The following SMIM14 variants were observed in gnomAD, a reference collection of about 807,000 sequenced individuals.
The protein encoded by SMIM14 is chromosome 4 open reading frame 34.
SMIM14 carries 5 observed loss-of-function variants against 12.6 expected under a neutral mutation model. The observed-to-expected ratio is 0.40, with a 90% CI of 0.21 to 0.83. The LOEUF is 0.83. Among genes scored for constraint, SMIM14 ranks in the 40% least tolerant of loss-of-function variants. The pLI is 0.37. For missense variants in SMIM14, 86 were observed against 119.1 expected (o/e 0.72, Z 1.29); for synonymous variants, 30 against 40.1 (o/e 0.75, Z 0.95).
intron 2 of SMIM14, among the ~76,000 whole-genome samples, chr4:39,595,394 G>T (rs1379299906): frequency 2.4e-5 from 3 of 123,726 alleles, no homozygotes; most frequent in African/African-American, 9.3e-5. Flanking sequence ...TCACACTCTG[G>T]GGACTGTTGT....
Position 39,638,793 on chromosome 4 carries a change from G to A in SMIM14, c.-90C>T. 1 of 985,614 alleles carries A rather than the reference G, an allele frequency of 1.0e-6. No individual in the cohort carries two copies. The highest frequency in any genetic ancestry group is 1.2e-6 in the Non-Finnish European group (1 of 830,068). The allele number at this position is 985,614 out of a possible 1,614,324, so 61.1% of individuals were successfully genotyped here. On this transcript the variant is annotated 5_prime_UTR_variant, in exon 1 of 5. Coordinates refer to ENST00000295958, the MANE Select transcript of SMIM14 (RefSeq NM_174921.3). ...AGGATGGGGGCCGGGACCGAGGCTCGGCAGAAAGACCGCCTGGAGCTTCCA... is the reference window on the plus strand; with the variant it reads ...AGGATGGGGGCCGGGACCGAGGCTCAGCAGAAAGACCGCCTGGAGCTTCCA...
intron 2 of SMIM14, among the ~76,000 whole-genome samples, chr4:39,595,728 C>T (rs1393865554): frequency 1.3e-5 from 2 of 151,876 alleles, no homozygotes; most frequent in African/African-American, 2.4e-5. Flanking sequence ...CCCACCTCAG[C>T]CTCCTGAGTA....
intron 1 of SMIM14, among the ~76,000 whole-genome samples, chr4:39,622,005 G>A (rs997796099): frequency 6.6e-6 from 1 of 150,784 alleles, no homozygotes; most frequent in African/African-American, 2.4e-5. Flanking sequence ...TAATAATATG[G>A]AGAAATGATC....
At chr4:39,618,970 C>T (rs1715329378) in intron 1 of SMIM14, among the ~76,000 whole-genome samples, 1 of 151,944 alleles carries the variant, frequency 6.6e-6, no homozygotes, top group Admixed American at 6.6e-5. Flanking sequence ...CACATACTCA[C>T]CTCTCCTGGC....
intron 1 of SMIM14, among the ~76,000 whole-genome samples, chr4:39,635,248 A>C (rs1187071145): frequency 6.6e-6 from 1 of 152,242 alleles, no homozygotes; most frequent in Non-Finnish European, 1.5e-5. Flanking sequence ...ATACAGGAAG[A>C]AACTCACATG....
chr4:39,567,449 A>G (rs759759027), intron 3 of SMIM14, among the ~76,000 whole-genome samples: 5 of 152,210 alleles, frequency 3.3e-5, no homozygotes, highest in Non-Finnish European at 4.4e-5. Context: ...CAAAAAATAC[A>G]AAAATTAGGC....
intron 1 of SMIM14, among the ~76,000 whole-genome samples, chr4:39,631,315 G>C (rs1715886206): frequency 6.9e-6 from 1 of 145,452 alleles, no homozygotes; most frequent in Admixed American, 7.2e-5. Context: ...CCGGGTGACA[G>C]AGTGAGACTC....
Position 39,585,920 on chromosome 4 carries a change from C to T in SMIM14, c.76-13457G>A, listed in dbSNP as rs1344609645. On this transcript the variant is annotated intron_variant, in intron 2 of 4. Transcript: ENST00000295958. ...CTTCCCTTGTCATGAAGAATAATGT[C>T]CAGATCATTCTTCCCTTGCCTTGAA... 2.0e-5 allele frequency among the ~76,000 whole-genome samples: 3 copies of T among 152,036 alleles called. No individual in the cohort carries two copies. In the South Asian group the frequency reaches 6.2e-4, roughly 32 times the overall value.
At chr4:39,605,855 C>T (rs1232824392) in intron 1 of SMIM14, among the ~76,000 whole-genome samples, 1 of 152,152 alleles carries the variant, frequency 6.6e-6, no homozygotes, top group African/African-American at 2.4e-5. Context: ...ATTCTCCTGC[C>T]TCAGCTTCCG....
chr4:39,597,611 T>G (rs986267790), intron 2 of SMIM14, among the ~76,000 whole-genome samples: 1 of 152,034 alleles, frequency 6.6e-6, no homozygotes, highest in Non-Finnish European at 1.5e-5. Flanking sequence ...ACCCAGCTAA[T>G]TTTTGTATTT....
intron 3 of SMIM14, among the ~76,000 whole-genome samples, chr4:39,571,867 A>G (rs1712909674): frequency 6.6e-6 from 1 of 151,294 alleles, no homozygotes; most frequent in Non-Finnish European, 1.5e-5. Context: ...CAGTGGTGCG[A>G]TCACAGCTCA....
Position 39,548,394 on chromosome 4 carries a change from A to G in SMIM14, c.*3732T>C, listed in dbSNP as rs1187891696. The G allele has an allele frequency of 1.3e-5, 2 of 150,608 alleles. No homozygotes were observed. The highest frequency in any genetic ancestry group is 4.9e-5 in the African/African-American group (2 of 40,898). 9.3% of individuals were successfully genotyped at this position (150,608 alleles called of 1,614,324 possible). On this transcript the variant is annotated 3_prime_UTR_variant, in exon 5 of 5. Transcript: ENST00000295958. ...TTTTTGGTAGAGACAGGGTCTTGCT[A>G]TGTTGCCCAGGCTAGTCTCAAACTC...
chr4:39,635,857 A>G (rs528377923), intron 1 of SMIM14, among the ~76,000 whole-genome samples: 1 of 152,230 alleles, frequency 6.6e-6, no homozygotes, highest in Non-Finnish European at 1.5e-5. Flanking sequence ...AAATGGGCAC[A>G]CACCAAGACT....
intron 3 of SMIM14, among the ~76,000 whole-genome samples, chr4:39,567,150 A>AG (rs1431730988): frequency 2.0e-5 from 3 of 149,396 alleles, no homozygotes; most frequent in Non-Finnish European, 4.5e-5. Flanking sequence ...AAAGAAAAAA[A>AG]AAAAAAAAAA....
At chr4:39,575,146 A>G (rs1012596138) in intron 2 of SMIM14, among the ~76,000 whole-genome samples, 4 of 149,472 alleles carry the variant, frequency 2.7e-5, no homozygotes, top group African/African-American at 9.8e-5. Context: ...GAGTGGCGCA[A>G]TCACAGCTCA....
intron 1 of SMIM14, among the ~76,000 whole-genome samples, chr4:39,614,846 G>T (rs1715161107): frequency 6.6e-6 from 1 of 152,222 alleles, no homozygotes; most frequent in South Asian, 2.1e-4. Context: ...ATGAATGTTG[G>T]GAAGGCAAAA....
chr4:39,598,628 G>A (rs756724968), intron 2 of SMIM14, among the ~76,000 whole-genome samples: 3 of 152,070 alleles, frequency 2.0e-5, no homozygotes, highest in South Asian at 2.1e-4. Context: ...CTACATAAAC[G>A]TTCACAGTTG....
intron 3 of SMIM14, among the ~76,000 whole-genome samples, chr4:39,569,574 G>T (rs1178554214): frequency 2.0e-5 from 3 of 151,950 alleles, no homozygotes; most frequent in Non-Finnish European, 4.4e-5. Flanking sequence ...TTTTGACATA[G>T]AAATTATTTT....
chr4:39,563,993 T>C (rs1712453398), intron 3 of SMIM14, among the ~76,000 whole-genome samples: 1 of 152,104 alleles, frequency 6.6e-6, no homozygotes, highest in African/African-American at 2.4e-5. Context: ...AGTGGCACCA[T>C]CTTGGCTCAC....
Sources: allele counts gnomAD v4.1 joint callset (sites outside exome capture counted in the v4.1 genomes callset), GRCh38; gene constraint gnomAD v4.1.1; transcripts MANE v1.5; gene names NCBI Gene and HGNC (gene_info 2026-07-23, HGNC 2026-07-21).